KIF3C: variants seen among roughly 807,000 people sequenced by gnomAD.
The protein encoded by KIF3C is kinesin-like protein KIF3C.
A neutral mutation model predicts 67.7 loss-of-function variants in KIF3C; 12 were observed. That is an observed-to-expected ratio of 0.18 (90% confidence interval 0.11 to 0.29). The LOEUF is 0.29. Ranked by LOEUF, KIF3C falls within the 10% of genes least tolerant of loss-of-function variation. The pLI, the probability that KIF3C is intolerant of heterozygous loss-of-function variation, is 1.00. For missense variants in KIF3C, 789 were observed against 1,059.6 expected (o/e 0.74, Z 3.55); for synonymous variants, 393 against 426.2 (o/e 0.92, Z 0.96).
intron 4 of KIF3C, chr2:25,953,998 C>T: frequency 2.6e-6 from 1 of 387,162 alleles, no homozygotes; most frequent in South Asian, 4.5e-5. Flanking sequence ...TTTAAAATCA[C>T]TGATTCTTAT....
intron 4 of KIF3C, among the ~76,000 whole-genome samples, chr2:25,952,875 G>T (rs1390859789): frequency 1.3e-5 from 2 of 151,962 alleles, no homozygotes; most frequent in African/African-American, 4.8e-5. Flanking sequence ...ATAACTTAAA[G>T]AGTGTAACTG....
Position 25,955,414 on chromosome 2 carries a change from C to T in KIF3C, c.1770+127G>A. 2 of 1,233,454 alleles carry T rather than the reference C, an allele frequency of 1.6e-6. No homozygotes were observed. The highest frequency in any genetic ancestry group is 2.3e-6 in the Non-Finnish European group (2 of 872,492). The allele number at this position is 1,233,454 out of a possible 1,614,324, so 76.4% of individuals were successfully genotyped here. Reference sequence around the variant, plus strand: ...TCCCCCTGTTGCTCACCCCCGAGGCCAAGCCATGTCACTCAGGGGTTCAGC... The same window carrying T: ...TCCCCCTGTTGCTCACCCCCGAGGCTAAGCCATGTCACTCAGGGGTTCAGC... On this transcript the variant is annotated intron_variant, in intron 3 of 7. Transcript: ENST00000264712. This position sits in a 1 kb window ranked among gnomAD's most constrained non-coding sequence, Gnocchi z 5.0.
At position 25,981,645 on chromosome 2, in the gene KIF3C, G is replaced by A. The variant is rs777836979; in HGVS notation, c.273C>T (p.Gly91=). The change falls in exon 1 of 8, where the codon GGC becomes GGT. Residue 91 remains glycine (G), a synonymous_variant. Transcript: ENST00000264712. The surrounding 1 kb of genome is among the most constrained non-coding windows in gnomAD (Gnocchi z 8.2). The part of the protein sequence containing the change: ...LIDSVLQGFN[G]TVFAYGQTGT... ...CCGTCTGGCCATAGGCAAACACCGT[G>A]CCATTGAAACCCTGGAGCACGGAGT... 3 of 1,614,158 alleles carry A rather than the reference G, an allele frequency of 1.9e-6. No homozygotes were observed. The highest frequency in any genetic ancestry group is 2.5e-6 in the Non-Finnish European group (3 of 1,180,042).
rs183976990 is a variant in KIF3C, at chr2:25,926,792, G to C, written c.*2186C>G. On this transcript the variant is annotated 3_prime_UTR_variant, in exon 8 of 8. Transcript: ENST00000264712. The stretch of plus-strand genomic sequence containing the variant: ...ACATATGTCCCGTATAGTCATATGT[G>C]TAGAGTGACAAGAATGGGCCACTGC... The C allele has an allele frequency of 1.2e-4, 18 of 152,282 alleles. No homozygotes were observed. In the East Asian group the frequency reaches 3.3e-3, roughly 28 times the overall value. 9.4% of individuals were successfully genotyped at this position (152,282 alleles called of 1,614,324 possible).
chr2:25,972,091 C>A (rs772294809), intron 1 of KIF3C, among the ~76,000 whole-genome samples: 1 of 151,846 alleles, frequency 6.6e-6, no homozygotes, highest in South Asian at 2.1e-4. Context: ...GTGCCCCAGA[C>A]TGGCCAGGCG....
At chr2:25,950,813 C>A (rs1215357099) in intron 5 of KIF3C, among the ~76,000 whole-genome samples, 1 of 151,608 alleles carries the variant, frequency 6.6e-6, no homozygotes, top group Admixed American at 6.6e-5. Flanking sequence ...CACGTGCTTG[C>A]CACTTACAAA....
Position 25,955,446 on chromosome 2 carries a change from A to C in KIF3C, c.1770+95T>G. Reference sequence around the variant, plus strand: ...TGTCACTCAGGGGTTCAGCAGTTCCAGCCAAATGGGGAGGAGTCCCTGAAG... The same window carrying C: ...TGTCACTCAGGGGTTCAGCAGTTCCCGCCAAATGGGGAGGAGTCCCTGAAG... On this transcript the variant is annotated intron_variant, in intron 3 of 7. Coordinates refer to ENST00000264712, the MANE Select transcript of KIF3C (RefSeq NM_002254.8). This position sits in a 1 kb window ranked among gnomAD's most constrained non-coding sequence, Gnocchi z 5.0. 1 of 1,483,076 alleles carries C rather than the reference A, an allele frequency of 6.7e-7. No individual in the cohort carries two copies. The highest frequency in any genetic ancestry group is 1.3e-5 in the South Asian group (1 of 78,828). 91.9% of individuals were successfully genotyped at this position (1,483,076 alleles called of 1,614,324 possible).
At chr2:25,950,138 C>T (rs1663556852) in intron 5 of KIF3C, among the ~76,000 whole-genome samples, 1 of 151,010 alleles carries the variant, frequency 6.6e-6, no homozygotes, top group Admixed American at 6.6e-5. Context: ...GTGATCCACC[C>T]GCCTCGGCCT....
At chr2:25,945,357 C>T (rs1663403532) in intron 5 of KIF3C, among the ~76,000 whole-genome samples, 1 of 150,448 alleles carries the variant, frequency 6.6e-6, no homozygotes, top group African/African-American at 2.5e-5. Flanking sequence ...TGTCCTTTCA[C>T]AGCTGCAGCC....
rs769044393 is a variant in KIF3C, at chr2:25,981,686, C to T, written c.232G>A (p.Val78Met). Residue 78 changes from valine (V) to methionine (M), a missense_variant, in exon 1 of 8, where the codon GTG becomes ATG. By Grantham distance (21) the Val-to-Met change is conservative. Coordinates refer to ENST00000264712, the MANE Select transcript of KIF3C (RefSeq NM_002254.8). The surrounding 1 kb of genome is among the most constrained non-coding windows in gnomAD (Gnocchi z 8.2). Reference sequence around the variant, plus strand: ...AGCACGGAGTCTATCAGGGGCCTCACGGTTTCGTCATACAGGTCGGCCTGC... The same window carrying T: ...AGCACGGAGTCTATCAGGGGCCTCATGGTTTCGTCATACAGGTCGGCCTGC... ...SKQADLYDET[V>M]RPLIDSVLQG... is the part of the protein sequence containing the mutation. 3.7e-6 allele frequency: 6 copies of T among 1,613,908 alleles called. No individual in the cohort carries two copies. The highest frequency in any genetic ancestry group is 1.3e-5 in the African/African-American group (1 of 74,938).
intron 1 of KIF3C, among the ~76,000 whole-genome samples, chr2:25,963,200 T>TATATA (rs1664051393): frequency 2.2e-5 from 1 of 45,294 alleles, no homozygotes. Flanking sequence ...ATATATATTT[T>TATATA]TTTTTTTTTT....
intron 1 of KIF3C, among the ~76,000 whole-genome samples, chr2:25,970,243 T>C (rs971068862): frequency 1.4e-4 from 21 of 152,220 alleles, no homozygotes; most frequent in Admixed American, 3.9e-4. Flanking sequence ...CTCGTAACTC[T>C]GGCCCTACCA....
Position 25,951,896 on chromosome 2 carries a change from G to A in KIF3C, c.1899C>T (p.Ile633=). The A allele has an allele frequency of 6.2e-7, 1 of 1,611,172 alleles. No homozygotes were observed. Among genetic ancestry groups the A allele is most frequent in the Non-Finnish European group, 8.5e-7 (1 of 1,177,422 alleles). The change falls in exon 5 of 8, where the codon ATC becomes ATT. Residue 633 remains isoleucine, a synonymous_variant. Transcript: ENST00000264712. ...QTRELKLKYL[I]IENFIPPEEK... ...CCTCCGGCGGGATGAAGTTCTCGATGATTAGGTACCTGGGAGCAGGAATGA... is the reference window on the plus strand; with the variant it reads ...CCTCCGGCGGGATGAAGTTCTCGATAATTAGGTACCTGGGAGCAGGAATGA...
At chr2:25,960,683 T>A (rs1381302206) in intron 1 of KIF3C, among the ~76,000 whole-genome samples, 1 of 152,126 alleles carries the variant, frequency 6.6e-6, no homozygotes. Flanking sequence ...ATGCCTGTAA[T>A]TGCAGCACTT....
chr2:25,954,196 T>C, intron 4 of KIF3C, 71 bp downstream of exon 4: 1 of 1,083,960 alleles, frequency 9.2e-7, no homozygotes, highest in Non-Finnish European at 1.4e-6. Context: ...GATGAGGCCT[T>C]AGGGGAGGAG....
intron 5 of KIF3C, among the ~76,000 whole-genome samples, chr2:25,943,843 C>A (rs1243935826): frequency 6.7e-6 from 1 of 149,668 alleles, no homozygotes; most frequent in Non-Finnish European, 1.5e-5. Flanking sequence ...TTAGCATGGG[C>A]AACAACAGCA....
chr2:25,972,737 A>C (rs1664313110), intron 1 of KIF3C, among the ~76,000 whole-genome samples: 1 of 152,142 alleles, frequency 6.6e-6, no homozygotes, highest in Admixed American at 6.6e-5. Flanking sequence ...CAGTGGAATG[A>C]TACACAGTAT....
intron 1 of KIF3C, among the ~76,000 whole-genome samples, chr2:25,979,393 G>A (rs980117149): frequency 9.2e-5 from 14 of 152,138 alleles, no homozygotes; most frequent in African/African-American, 2.2e-4. Flanking sequence ...ATGAGGCCTC[G>A]GGGCAGGGGT....
chr2:25,977,318 G>A (rs559444018), intron 1 of KIF3C, among the ~76,000 whole-genome samples: 1 of 152,242 alleles, frequency 6.6e-6, no homozygotes, highest in African/African-American at 2.4e-5. Context: ...GAGGGCACTG[G>A]GTCGCATCAA....
Sources: gnomAD v4.1 joint callset for allele counts (sites outside exome capture counted in the v4.1 genomes callset) on GRCh38, gnomAD v4.1.1 for gene constraint, Gnocchi (gnomAD v3.1) non-coding constraint, MANE v1.5 for transcripts, NCBI Gene and HGNC (gene_info 2026-07-23, HGNC 2026-07-21) for gene names.